The following GGA2 variants were observed in gnomAD, a reference collection of about 807,000 sequenced individuals.
GGA2 encodes the protein golgi associated, gamma adaptin ear containing, ARF binding protein 2.
In GGA2, 48 loss-of-function variants were observed where a neutral mutation model predicts 79.5. The observed-to-expected ratio is 0.60, with a 90% confidence interval of 0.48 to 0.77. GGA2 has a LOEUF of 0.77. Ranked by LOEUF, GGA2 falls within the 30% of genes least tolerant of loss-of-function variation. The pLI is 0.00. For synonymous variants in GGA2, 317 were observed against 302.0 expected (o/e 1.05, Z -0.51); for missense variants, 770 against 774.0 (o/e 0.99, Z 0.06).
chr16:23,518,497 G>C (rs535776267), intron 2 of GGA2, among the ~76,000 whole-genome samples: 48 of 152,294 alleles, frequency 3.2e-4, no homozygotes, highest in Middle Eastern at 3.4e-3. Flanking sequence ...ACAGGAGTAA[G>C]CCACCACACC....
At chr16:23,484,671 A>G (rs2142125021) in intron 8 of GGA2, among the ~76,000 whole-genome samples, 1 of 152,376 alleles carries the variant, frequency 6.6e-6, no homozygotes, top group East Asian at 1.9e-4. Flanking sequence ...GCAATGAGAC[A>G]GTACTTCACA....
chr16:23,486,036 C>A lies in GGA2; in HGVS notation c.777G>T (p.Pro259=), dbSNP rs150854450. The change falls in exon 8 of 17, where the codon CCG becomes CCT. Residue 259 remains proline (P), a synonymous_variant. Coordinates refer to ENST00000309859, the MANE Select transcript of GGA2 (RefSeq NM_015044.4). ...TTACCTGCAGGGCCTCCTGGTCGGG[C>A]GGGGCCTGCCCTGGCCTGCGGTACA... is the stretch of plus-strand genomic sequence containing the variant. ...LSMYRRPGQA[P]PDQEALQVVY... The A allele has an allele frequency of 9.3e-6, 15 of 1,614,096 alleles. 1 individual carries two copies. In the Admixed American group the frequency reaches 2.5e-4, roughly 27 times the overall value.
In GGA2 at chr16:23,507,754, G is replaced by A. The variant is rs186331686; in HGVS notation, c.91+2567C>T. Among the ~76,000 whole-genome samples, 279 of 152,086 alleles carry A rather than the reference G, an allele frequency of 1.8e-3. 3 individuals are homozygous for A. The highest frequency in any genetic ancestry group is 6.6e-3 in the African/African-American group (275 of 41,478). ...GGCAGAGGTTGCAGAGAGCCGAGATGGCACCACTGCACTCCAGCCTGGGCA... is the reference window on the plus strand; with the variant it reads ...GGCAGAGGTTGCAGAGAGCCGAGATAGCACCACTGCACTCCAGCCTGGGCA... On this transcript the variant is annotated intron_variant, in intron 1 of 16. Coordinates refer to ENST00000309859, the MANE Select transcript of GGA2 (RefSeq NM_015044.4).
At chr16:23,508,029 C>T (rs575921299) in intron 1 of GGA2, among the ~76,000 whole-genome samples, 80 of 151,904 alleles carry the variant, frequency 5.3e-4, no homozygotes, top group African/African-American at 1.8e-3. Context: ...TTATCTCCTC[C>T]ACCTGAGGCA....
chr16:23,503,857 G>A lies in GGA2; in HGVS notation c.91+6464C>T, dbSNP rs1034358027. ...AGCATTTTGGGAGGCCAAGGTGGGC[G>A]GATCACCTGAGGTTGGGAGTTCAAG... On this transcript the variant is annotated intron_variant, in intron 1 of 16. Transcript: ENST00000309859. Among the ~76,000 whole-genome samples the A allele has an allele frequency of 4.5e-4, 68 of 152,130 alleles. 1 individual carries two copies. Among genetic ancestry groups the A allele is most frequent in the Admixed American group, 3.9e-4 (6 of 15,282 alleles).
intron 1 of GGA2, among the ~76,000 whole-genome samples, chr16:23,507,124 G>A (rs1328784109): frequency 6.6e-6 from 1 of 152,022 alleles, no homozygotes; most frequent in Non-Finnish European, 1.5e-5. Flanking sequence ...AGCTGAGGAG[G>A]CCACTGGCTG....
intron 8 of GGA2, among the ~76,000 whole-genome samples, chr16:23,483,739 T>G (rs1330789094): frequency 6.6e-6 from 1 of 151,822 alleles, no homozygotes; most frequent in African/African-American, 2.4e-5. Context: ...CTCCGCCTCC[T>G]GGGTTCAAAT....
At chr16:23,495,861 G>A in intron 1 of GGA2, 83 bp from the exon 2 acceptor site, 1 of 805,162 alleles carries the variant, frequency 1.2e-6, no homozygotes, top group Non-Finnish European at 2.0e-6. Flanking sequence ...GCCAAGAGCT[G>A]TCTTATCACA....
At chr16:23,467,974 A>C (rs993637448) in intron 16 of GGA2, among the ~76,000 whole-genome samples, 31 of 152,154 alleles carry the variant, frequency 2.0e-4, no homozygotes, top group Admixed American at 1.6e-3. Flanking sequence ...GGGAGAGTTC[A>C]TGTGTCCCTC....
chr16:23,493,636 C>T (rs770646078), intron 3 of GGA2, 178 bp from the exon 4 acceptor site: 1 of 589,080 alleles, frequency 1.7e-6, no homozygotes, highest in African/African-American at 1.9e-5. Flanking sequence ...AAAAATGTCC[C>T]CTGTTCAATC....
intron 2 of GGA2, 197 bp downstream of exon 2, chr16:23,495,497 C>CT (rs1163130921): frequency 1.0e-5 from 4 of 385,246 alleles, no homozygotes; most frequent in African/African-American, 4.1e-5. Flanking sequence ...GTCTCTCACT[C>CT]TGTCACCCAG....
At chr16:23,472,360 A>AT (rs1025122369) in intron 14 of GGA2, among the ~76,000 whole-genome samples, 1 of 150,574 alleles carries the variant, frequency 6.6e-6, no homozygotes, top group East Asian at 2.0e-4. Flanking sequence ...CGCCTGGCTA[A>AT]TTTTTTTTGT....
At position 23,464,508 on chromosome 16, in the gene GGA2, G is replaced by T. The variant is rs1021139822; in HGVS notation, c.*3082C>A. 1 of 151,632 alleles carries T rather than the reference G, an allele frequency of 6.6e-6. No individual in the cohort carries two copies. Among genetic ancestry groups the T allele is most frequent in the Non-Finnish European group, 1.5e-5 (1 of 67,968 alleles). 9.4% of individuals were successfully genotyped at this position (151,632 alleles called of 1,614,324 possible). ...GATTTGCTAGAGAACTCTGGTAGTG[G>T]CAAGAACCAGAGCTGTTACTCAGAA... On this transcript the variant is annotated 3_prime_UTR_variant, in exon 17 of 17. Coordinates refer to ENST00000309859, the MANE Select transcript of GGA2 (RefSeq NM_015044.4).
rs141326611 is a variant in GGA2 at position 23,486,271 on chromosome 16, A to C, written c.661-119T>G. ...CGCTCAGGGGCATCACCAGGATGTT[A>C]AGTGCATGGGAGAACTCACACAGTG... On this transcript the variant is annotated intron_variant, in intron 7 of 16. Transcript: ENST00000309859. 4,931 of 853,890 alleles carry C rather than the reference A, an allele frequency of 5.8e-3. 25 individuals carry two copies. Among genetic ancestry groups the C allele is most frequent in the Middle Eastern group, 0.016 (68 of 4,386 alleles). 52.9% of individuals were successfully genotyped at this position (853,890 alleles called of 1,614,324 possible). A position where few individuals can be genotyped will look rare whatever the true frequency, so the allele number is the denominator to read the frequency against.
intron 15 of GGA2, chr16:23,469,671 T>G: frequency 5.7e-6 from 1 of 174,352 alleles, no homozygotes; most frequent in African/African-American, 2.4e-5. Context: ...GTTTCTGAGA[T>G]AAAGAGGGTT....
chr16:23,489,908 G>C (rs1207526106), intron 5 of GGA2, among the ~76,000 whole-genome samples: 2 of 152,062 alleles, frequency 1.3e-5, no homozygotes, highest in Non-Finnish European at 2.9e-5. Context: ...AGTACCCTTG[G>C]AGGAGGAGCA....
chr16:23,519,041 CTTTTTT>C (rs368986914), intron 2 of GGA2, among the ~76,000 whole-genome samples: 6 of 104,578 alleles, frequency 5.7e-5, no homozygotes, highest in Admixed American at 1.0e-4. Context: ...CGGATACTGT[CTTTTTT>C]TTTTTTTTTT....
At chr16:23,478,635 G>T in intron 12 of GGA2, 134 bp from the exon 13 acceptor site, 1 of 866,874 alleles carries the variant, frequency 1.2e-6, no homozygotes, top group East Asian at 2.5e-5. Flanking sequence ...GGGGCAAGAG[G>T]GGAAAGAAAG....
At chr16:23,480,097 C>A in intron 10 of GGA2, 1 of 544,436 alleles carries the variant, frequency 1.8e-6, no homozygotes, top group Non-Finnish European at 3.3e-6. Context: ...CTTCCTACCC[C>A]AGGGATCATA....
Sources: gnomAD v4.1 joint callset for allele counts (sites outside exome capture counted in the v4.1 genomes callset) on GRCh38, gnomAD v4.1.1 for gene constraint, MANE v1.5 for transcripts, NCBI Gene and HGNC (gene_info 2026-07-23, HGNC 2026-07-21) for gene names.